The following NKAIN2 variants were observed in gnomAD, a reference collection of about 807,000 sequenced individuals.
NKAIN2 encodes the protein sodium/potassium transporting ATPase interacting 2.
In NKAIN2, 14 loss-of-function variants were observed where a neutral mutation model predicts 32.6. The ratio of observed to expected loss-of-function variants is 0.43; its 90% CI spans 0.28 to 0.67. The LOEUF (loss-of-function observed/expected upper bound fraction) is 0.67, where lower values mean the gene tolerates loss of function less well. Among genes scored for constraint, NKAIN2 ranks in the 30% least tolerant of loss-of-function variants. The probability of loss-of-function intolerance (pLI) is 0.17; values close to 1 mark genes in which losing one functional copy is unlikely to be tolerated. For synonymous variants in NKAIN2, 80 were observed against 87.2 expected (o/e 0.92, Z 0.46); for missense variants, 198 against 258.3 (o/e 0.77, Z 1.60).
At chr6:124,342,144 G>C (rs1261705051) in intron 2 of NKAIN2, among the ~76,000 whole-genome samples, 1 of 152,072 alleles carries the variant, frequency 6.6e-6, no homozygotes, top group East Asian at 1.9e-4. Flanking sequence ...GCTCACGCCT[G>C]TAATCCCAGC....
chr6:124,106,149 A>G (rs1477515805), intron 1 of NKAIN2, among the ~76,000 whole-genome samples: 1 of 152,176 alleles, frequency 6.6e-6, no homozygotes, highest in Non-Finnish European at 1.5e-5. Flanking sequence ...ACTTTATGGT[A>G]CTTTTTGACT....
chr6:123,957,526 C>A (rs1777650560), intron 1 of NKAIN2, among the ~76,000 whole-genome samples: 1 of 152,080 alleles, frequency 6.6e-6, no homozygotes, highest in Non-Finnish European at 1.5e-5. Flanking sequence ...CTAGATCAAA[C>A]AAATTAATTT....
At chr6:124,241,657 A>G (rs1207144315) in intron 1 of NKAIN2, among the ~76,000 whole-genome samples, 1 of 152,186 alleles carries the variant, frequency 6.6e-6, no homozygotes, top group Non-Finnish European at 1.5e-5. Flanking sequence ...TTCCCTGTTT[A>G]ATAAATGGTG....
chr6:124,172,546 G>A (rs1026303662), intron 1 of NKAIN2, among the ~76,000 whole-genome samples: 9 of 152,018 alleles, frequency 5.9e-5, no homozygotes, highest in Admixed American at 1.3e-4. Context: ...AATGATATCA[G>A]ATTTTAAAAA....
At chr6:124,259,185 GC>G (rs1287504873) in intron 1 of NKAIN2, among the ~76,000 whole-genome samples, 1 of 152,108 alleles carries the variant, frequency 6.6e-6, no homozygotes, top group Non-Finnish European at 1.5e-5. Context: ...CTACTTAAAA[GC>G]CCTTCTCAGC....
chr6:124,067,508 A>T (rs574536254), intron 1 of NKAIN2, among the ~76,000 whole-genome samples: 1 of 152,206 alleles, frequency 6.6e-6, no homozygotes, highest in Non-Finnish European at 1.5e-5. Context: ...TGAGGACCAG[A>T]TATCTAATTA....
chr6:124,646,119 CTTAT>C (rs769158357), intron 3 of NKAIN2, among the ~76,000 whole-genome samples: 6 of 151,954 alleles, frequency 3.9e-5, no homozygotes, highest in East Asian at 3.8e-4. Flanking sequence ...TTAATATTTA[CTTAT>C]TTATTTAGTG....
At position 124,682,493 on chromosome 6, in the gene NKAIN2, C is replaced by G. The variant is rs371219363; in HGVS notation, c.474+24107C>G. 3.3e-5 allele frequency among the ~76,000 whole-genome samples: 5 copies of G among 152,208 alleles called. No individual in the cohort carries two copies. In the East Asian group the frequency reaches 9.7e-4, roughly 29 times the overall value. ...TAGATTTTGTGACGTGAAGTACTGACAGTAGAGCCAGTGTTTTTGTAAGAA... is the reference window on the plus strand; with the variant it reads ...TAGATTTTGTGACGTGAAGTACTGAGAGTAGAGCCAGTGTTTTTGTAAGAA... On this transcript the variant is annotated intron_variant, in intron 4 of 6. Transcript: ENST00000368417.
intron 4 of NKAIN2, among the ~76,000 whole-genome samples, chr6:124,720,785 T>A (rs560770656): frequency 6.6e-6 from 1 of 152,146 alleles, no homozygotes; most frequent in African/African-American, 2.4e-5. Flanking sequence ...TGGTTCCATT[T>A]GGTGAAAAGA....
At chr6:124,151,152 G>A (rs1582744745) in intron 1 of NKAIN2, among the ~76,000 whole-genome samples, 1 of 151,558 alleles carries the variant, frequency 6.6e-6, no homozygotes, top group Non-Finnish European at 1.5e-5. Flanking sequence ...TTTGACTAGG[G>A]TTGGCTGGGA....
intron 3 of NKAIN2, among the ~76,000 whole-genome samples, chr6:124,476,021 T>C (rs941266924): frequency 3.3e-5 from 5 of 150,322 alleles, no homozygotes; most frequent in African/African-American, 1.2e-4. Flanking sequence ...TGTGTGAGCG[T>C]GTGTGTGTGT....
intron 1 of NKAIN2, among the ~76,000 whole-genome samples, chr6:124,013,015 T>C (rs1780407277): frequency 6.6e-6 from 1 of 152,222 alleles, no homozygotes; most frequent in Non-Finnish European, 1.5e-5. Flanking sequence ...GTCTCCTTAA[T>C]TTTAGCCATT....
chr6:124,166,472 G>A (rs1044526038), intron 1 of NKAIN2, among the ~76,000 whole-genome samples: 4 of 150,446 alleles, frequency 2.7e-5, no homozygotes, highest in East Asian at 2.0e-4. Flanking sequence ...TAGGTTGCCT[G>A]TTCACTCTGA....
intron 1 of NKAIN2, among the ~76,000 whole-genome samples, chr6:124,220,443 C>T (rs1791753268): frequency 1.6e-5 from 2 of 123,866 alleles, no homozygotes; most frequent in Admixed American, 1.7e-4. Flanking sequence ...TTGATGTATG[C>T]ACTCTCCTTT....
intron 5 of NKAIN2, among the ~76,000 whole-genome samples, chr6:124,802,259 A>T (rs1352507207): frequency 6.6e-6 from 1 of 152,232 alleles, no homozygotes; most frequent in Non-Finnish European, 1.5e-5. Flanking sequence ...TCCTGCATTT[A>T]AATGGGCTGT....
At chr6:124,613,120 GA>G (rs1315965105) in intron 3 of NKAIN2, among the ~76,000 whole-genome samples, 5 of 152,202 alleles carry the variant, frequency 3.3e-5, no homozygotes, top group African/African-American at 9.6e-5. Context: ...TGGAAGAATA[GA>G]AAAAGAAGAG....
intron 1 of NKAIN2, among the ~76,000 whole-genome samples, chr6:124,204,873 A>G (rs1283745357): frequency 6.6e-6 from 1 of 151,668 alleles, no homozygotes; most frequent in African/African-American, 2.4e-5. Context: ...TTACTATAAT[A>G]CAGTCTGCTT....
intron 4 of NKAIN2, among the ~76,000 whole-genome samples, chr6:124,726,163 G>A (rs1776292196): frequency 2.0e-5 from 3 of 152,178 alleles, no homozygotes; most frequent in African/African-American, 7.2e-5. Context: ...GCTTGATTAG[G>A]TAAACAAAGC....
chr6:124,028,857 CTATA>C (rs1214296788), intron 1 of NKAIN2, among the ~76,000 whole-genome samples: 1 of 124,862 alleles, frequency 8.0e-6, no homozygotes, highest in Non-Finnish European at 1.6e-5. Flanking sequence ...ATGTGTGTGT[CTATA>C]TATACACATA....
Sources: allele counts gnomAD v4.1 joint callset (sites outside exome capture counted in the v4.1 genomes callset), GRCh38; gene constraint gnomAD v4.1.1; transcripts MANE v1.5; gene names NCBI Gene and HGNC (gene_info 2026-07-23, HGNC 2026-07-21).